Variants in CELF2 observed in about 807,000 individuals in gnomAD.
CELF2 encodes the protein CUG triplet repeat RNA-binding protein 2.
A neutral mutation model predicts 62.6 loss-of-function variants in CELF2; 8 were observed. The observed-to-expected ratio is 0.13, with a 90% CI of 0.07 to 0.23. CELF2 has a LOEUF of 0.23. Ranked by LOEUF, CELF2 falls within the 10% of genes least tolerant of loss-of-function variation. The pLI is 1.00. For missense variants in CELF2, 333 were observed against 671.0 expected (o/e 0.50, Z 5.56); for synonymous variants, 258 against 250.0 (o/e 1.03, Z -0.30).
chr10:10,516,734 T>TA, the CELF2 span, among the ~76,000 whole-genome samples: 79,780 of 141,112 alleles, frequency 0.57, 22,508 homozygotes, highest in East Asian at 0.73. Context: ...TCAGCATCAT[T>TA]AAAAAAAAAA....
the CELF2 span, among the ~76,000 whole-genome samples, chr10:10,602,155 T>C: frequency 8.5e-5 from 13 of 152,212 alleles, no homozygotes; most frequent in Non-Finnish European, 2.9e-5. Context: ...GGCATTTGGG[T>C]TGATTCCATG....
chr10:11,191,969 G>A lies in CELF2; in HGVS notation c.272-25456G>A, dbSNP rs1565198022. On this transcript the variant is annotated intron_variant, in intron 2 of 12. Transcript: ENST00000633077. This position sits in a 1 kb window ranked among gnomAD's most constrained non-coding sequence, Gnocchi z 4.1. ...CCCAGGGAATTTTCCTGACAAGTCA[G>A]TGTCATTTTATGGGTTATTGCTGTT... Among the ~76,000 whole-genome samples the A allele has an allele frequency of 1.3e-5, 2 of 152,300 alleles. No homozygotes were observed. The highest frequency in any genetic ancestry group is 2.9e-5 in the Non-Finnish European group (2 of 68,032).
intron 2 of CELF2, among the ~76,000 whole-genome samples, chr10:11,189,520 T>C (rs1352240477): frequency 1.3e-5 from 2 of 152,216 alleles, no homozygotes; most frequent in Non-Finnish European, 2.9e-5. Flanking sequence ...TTCTTCCCTT[T>C]TGCCTCTTCT....
chr10:10,533,905 T>C, the CELF2 span, among the ~76,000 whole-genome samples: 1 of 152,054 alleles, frequency 6.6e-6, no homozygotes, highest in African/African-American at 2.4e-5. Context: ...TGAAATTAAA[T>C]GAGATCACTG....
chr10:11,296,810 C>G lies in CELF2; in HGVS notation c.976+8258C>G, dbSNP rs2093237490. On this transcript the variant is annotated intron_variant, in intron 9 of 12. Transcript: ENST00000633077. The surrounding 1 kb of genome is among the most constrained non-coding windows in gnomAD (Gnocchi z 5.0). ...TTAGTAGAAGAGTTGACATTTGAGC[C>G]AAAATGTTCAGGGTGGGTAGGATGT... Among the ~76,000 whole-genome samples the G allele has an allele frequency of 6.6e-6, 1 of 152,088 alleles. No individual in the cohort carries two copies. Among genetic ancestry groups the G allele is most frequent in the African/African-American group, 2.4e-5 (1 of 41,382 alleles).
intron 1 of CELF2, among the ~76,000 whole-genome samples, chr10:11,018,488 C>T (rs2137870444): frequency 6.6e-6 from 1 of 150,454 alleles, no homozygotes; most frequent in Non-Finnish European, 1.5e-5. Context: ...GAGTGGGGGA[C>T]GGGCGGGGTC....
chr10:11,248,611 A>G (rs2076287459), intron 3 of CELF2, among the ~76,000 whole-genome samples: 1 of 152,252 alleles, frequency 6.6e-6, no homozygotes, highest in Non-Finnish European at 1.5e-5. Flanking sequence ...GATGGCCAGA[A>G]AAGTCTGCAT....
intron 1 of CELF2, among the ~76,000 whole-genome samples, chr10:11,126,371 C>T (rs992126973): frequency 6.6e-6 from 1 of 152,136 alleles, no homozygotes; most frequent in African/African-American, 2.4e-5. Flanking sequence ...AAACACAACC[C>T]TTGCAAGGTG....
chr10:10,503,729 T>C, the CELF2 span, among the ~76,000 whole-genome samples: 75 of 152,120 alleles, frequency 4.9e-4, no homozygotes, highest in Middle Eastern at 3.4e-3. Context: ...TTACTTTTAA[T>C]GTAATTACTA....
chr10:10,602,388 C>T, the CELF2 span, among the ~76,000 whole-genome samples: 1 of 152,154 alleles, frequency 6.6e-6, no homozygotes, highest in South Asian at 2.1e-4. Context: ...CACTCTTACT[C>T]ATGTGTAGTC....
rs576087639 is a variant in CELF2 at position 10,810,125 on chromosome 10, C to A, written c.53+11308C>A. ...TCAATGCCATCTGGAGGGAAGGTACCTTACATACATGCATAAACACACAGA... is the reference window on the plus strand; with the variant it reads ...TCAATGCCATCTGGAGGGAAGGTACATTACATACATGCATAAACACACAGA... On this transcript the variant is annotated intron_variant, in intron 1 of 13. Coordinates refer to the CELF2 transcript ENST00000636488. Among the ~76,000 whole-genome samples, 300 of 152,280 alleles carry A rather than the reference C, an allele frequency of 2.0e-3. 3 individuals are homozygous for A. In the Middle Eastern group the frequency reaches 0.044, roughly 22 times the overall value.
chr10:11,138,925 A>C (rs559326964), intron 1 of CELF2, among the ~76,000 whole-genome samples: 1 of 152,380 alleles, frequency 6.6e-6, no homozygotes, highest in East Asian at 1.9e-4. Flanking sequence ...CATTAAGTGC[A>C]GTGGTATGTG....
intron 1 of CELF2, among the ~76,000 whole-genome samples, chr10:10,801,925 A>G (rs1282668127): frequency 2.0e-5 from 3 of 152,112 alleles, no homozygotes; most frequent in South Asian, 2.1e-4. Flanking sequence ...TCCTTGTTCC[A>G]TTTTGTTACA....
At chr10:10,637,804 TCTC>T in the CELF2 span, among the ~76,000 whole-genome samples, 2 of 152,144 alleles carry the variant, frequency 1.3e-5, no homozygotes, top group Admixed American at 1.3e-4. Flanking sequence ...GTTTGGTCCT[TCTC>T]ATCAAAATCT....
At chr10:10,544,977 C>T in the CELF2 span, among the ~76,000 whole-genome samples, 8 of 152,150 alleles carry the variant, frequency 5.3e-5, no homozygotes, top group Non-Finnish European at 8.8e-5. Context: ...CCAAAGTCAT[C>T]GTTAAGATTC....
rs534574062 is a variant in CELF2 at position 11,149,618 on chromosome 10, C to G, written c.75-15868C>G. Among the ~76,000 whole-genome samples the G allele has an allele frequency of 3.3e-5, 5 of 152,276 alleles. No individual in the cohort carries two copies. The East Asian group carries it at 7.7e-4, about 24-fold the overall frequency. On this transcript the variant is annotated intron_variant, in intron 1 of 12. Coordinates refer to ENST00000633077, the MANE Select transcript of CELF2 (RefSeq NM_001326342.2). ...TGGCGTCAGGACACATTTCGTGTTC[C>G]TCTTACTGCTGCATCTCCCGTGCTC...
In CELF2 at chr10:11,157,105, G is replaced by A. The variant is rs551977441; in HGVS notation, c.75-8381G>A. ...TCCTTTGCGGAACAGGCTCCAGGGGGTGGCATTTCAAGAGCAGGTTGGGGG... is the reference window on the plus strand; with the variant it reads ...TCCTTTGCGGAACAGGCTCCAGGGGATGGCATTTCAAGAGCAGGTTGGGGG... On this transcript the variant is annotated intron_variant, in intron 1 of 12. Coordinates refer to ENST00000633077, the MANE Select transcript of CELF2 (RefSeq NM_001326342.2). The surrounding 1 kb of genome is among the most constrained non-coding windows in gnomAD (Gnocchi z 4.9). 6.6e-6 allele frequency among the ~76,000 whole-genome samples: 1 copy of A among 152,158 alleles called. No individual in the cohort carries two copies. The highest frequency in any genetic ancestry group is 1.9e-4 in the East Asian group (1 of 5,172).
chr10:10,475,016 G>A, the CELF2 span, among the ~76,000 whole-genome samples: 1 of 152,128 alleles, frequency 6.6e-6, no homozygotes. Flanking sequence ...TGGAGAGCAG[G>A]TAGACTGAGA....
At chr10:11,208,013 G>A (rs940525601) in intron 2 of CELF2, among the ~76,000 whole-genome samples, 1 of 152,146 alleles carries the variant, frequency 6.6e-6, no homozygotes, top group African/African-American at 2.4e-5. Context: ...GAGTGAGGTG[G>A]ACCCTGTTAG....
Sources: gnomAD v4.1 joint callset for allele counts (sites outside exome capture counted in the v4.1 genomes callset) on GRCh38, gnomAD v4.1.1 for gene constraint, Gnocchi (gnomAD v3.1) non-coding constraint, MANE v1.5 for transcripts, NCBI Gene and HGNC (gene_info 2026-07-23, HGNC 2026-07-21) for gene names.